The following PGAP6 variants were observed in gnomAD, a reference collection of about 807,000 sequenced individuals.
PGAP6 encodes post-GPI attachment to proteins 6.
PGAP6 carries 62 observed loss-of-function variants against 68.4 expected under a neutral mutation model. That is an observed-to-expected ratio of 0.91 (90% CI 0.74 to 1.12). The LOEUF is 1.12. PGAP6 is among the 50% of genes most tolerant of loss of function. PGAP6 has a pLI of 0.00. For synonymous variants in PGAP6, 575 were observed against 474.0 expected (o/e 1.21, Z -2.77); for missense variants, 1,188 against 1,068.5 (o/e 1.11, Z -1.56).
intron 1 of PGAP6, 40 bp from the exon 2 acceptor site, chr16:377,888 C>T: frequency 2.7e-6 from 4 of 1,509,138 alleles, no homozygotes; most frequent in Non-Finnish European, 3.6e-6. Flanking sequence ...CGGGACCCTC[C>T]TCCAGGGCCG....
upstream of PGAP6, chr16:386,931 C>A (rs545339030): frequency 1.2e-5 from 7 of 588,786 alleles, no homozygotes; most frequent in Non-Finnish European, 2.3e-5. Flanking sequence ...ACGCCGGAGG[C>A]GGCCTGAATA....
intron 11 of PGAP6, among the ~76,000 whole-genome samples, chr16:373,745 C>A (rs1445992119): frequency 6.6e-6 from 1 of 152,196 alleles, no homozygotes; most frequent in African/African-American, 2.4e-5. Context: ...GCTCTTGAAC[C>A]CCTGGCCTCA....
intron 7 of PGAP6, 28 bp downstream of exon 7, chr16:375,317 C>T (rs778803068): frequency 1.4e-5 from 22 of 1,612,694 alleles, no homozygotes; most frequent in South Asian, 3.3e-5. Context: ...GCCGGGGCCA[C>T]GCTGACGGTG....
Position 376,647 on chromosome 16 carries a change from C to G in PGAP6, c.801G>C (p.Leu267=), listed in dbSNP as rs1342760733. The change falls in exon 5 of 13, where the codon CTG becomes CTC. Residue 267 remains leucine (L), a synonymous_variant. Transcript: ENST00000431232. ...GGTCCCAGGGCGGTGAGGGCAGCAG[C>G]AGGCGGCAGGGCCAGGGGGCACCGG... ...TCTGAPWPCR[L]LLPSPPWDRW... 1.2e-6 allele frequency: 2 copies of G among 1,607,112 alleles called. No homozygotes were observed. The highest frequency in any genetic ancestry group is 2.7e-5 in the African/African-American group (2 of 74,842).
At chr16:376,103 CCAGGCCA>C (rs779788883) in intron 6 of PGAP6, 26 bp downstream of exon 6, 2 of 1,568,976 alleles carry the variant, frequency 1.3e-6, no homozygotes, top group Admixed American at 1.8e-5. Flanking sequence ...CTGCCCGAGC[CCAGGCCA>C]CAGGCCGCTT....
rs1372587161 is a variant in PGAP6 at position 372,623 on chromosome 16, C to T, written c.2007G>A (p.Met669Ile). ...LGPCLFAFVI[M>I]ASMWAYRCGH... ...CCCGGCTCCTTACCCACATGGAGGC[C>T]ATGATCACGAAGGCAAAGAGGCAGG... Residue 669 changes from methionine to isoleucine, a missense_variant, in exon 12 of 13, where the codon ATG becomes ATA. Transcript: ENST00000431232. The T allele has an allele frequency of 6.2e-7, 1 of 1,611,754 alleles. No individual in the cohort carries two copies. Among genetic ancestry groups the T allele is most frequent in the East Asian group, 2.2e-5 (1 of 44,880 alleles).
chr16:374,119 C>G lies in PGAP6; in HGVS notation c.1788G>C (p.Ala596=). The change falls in exon 11 of 13, where the codon GCG becomes GCC. Residue 596 remains alanine (A), a synonymous_variant. Coordinates refer to ENST00000431232, the MANE Select transcript of PGAP6 (RefSeq NM_021259.3). ...TGTCGTAGCTGAGGATGCACAGCAC[C>G]GCCTCCCCGGGCTGGTCGCAGGCGT... The part of the protein sequence containing the change: ...FYHACDQPGE[A]VLCILSYDTL... 1 of 1,611,412 alleles carries G rather than the reference C, an allele frequency of 6.2e-7. No individual in the cohort carries two copies. Among genetic ancestry groups the G allele is most frequent in the South Asian group, 1.1e-5 (1 of 91,084 alleles).
At chr16:374,938 C>A in intron 8 of PGAP6, 46 bp from the exon 9 acceptor site, 1 of 1,609,864 alleles carries the variant, frequency 6.2e-7, no homozygotes, top group Non-Finnish European at 8.5e-7. Context: ...GATCTGACAG[C>A]CCAGCTGCCA....
rs1187115866 is a variant in PGAP6, at chr16:374,374, G to C, written c.1602C>G (p.Asp534Glu). 3.8e-6 allele frequency: 6 copies of C among 1,590,806 alleles called. No homozygotes were observed. The highest frequency in any genetic ancestry group is 5.1e-6 in the Non-Finnish European group (6 of 1,173,598). Residue 534 changes from aspartate (D) to glutamate (E), a missense_variant, in exon 10 of 13, where the codon GAC (aspartate) becomes GAG (glutamate). By Grantham distance (45) the Asp-to-Glu change is conservative. Transcript: ENST00000431232. Reference sequence around the variant, plus strand: ...GGGCCACCGTCTGGGCTGTGCTGTTGTCCGTGCAGCTCCACCCACGCCAGC... The same window carrying C: ...GGGCCACCGTCTGGGCTGTGCTGTTCTCCGTGCAGCTCCACCCACGCCAGC... Reference protein sequence around the residue: ...KAGWRGWSCTDNSTAQTVAQQ... With the variant: ...KAGWRGWSCTENSTAQTVAQQ...
At chr16:381,001 C>A (rs1206772336) in intron 1 of PGAP6, among the ~76,000 whole-genome samples, 1 of 152,254 alleles carries the variant, frequency 6.6e-6, no homozygotes, top group African/African-American at 2.4e-5. Flanking sequence ...TCCACACCCA[C>A]GTCCCTACCC....
In PGAP6 at chr16:377,431, C is replaced by T; in HGVS notation, c.454G>A (p.Asp152Asn). 1.2e-6 allele frequency: 2 copies of T among 1,610,066 alleles called. No individual in the cohort carries two copies. Among genetic ancestry groups the T allele is most frequent in the South Asian group, 1.1e-5 (1 of 90,748 alleles). ...GGCAGGTGGGCGGCCACGAACCAGT[C>T]CCCGGGGGCCGGGTGGGAAACGTTG... Reference protein sequence around the residue: ...SVNVSHPAPGDWFVAAHLPPS... With the variant: ...SVNVSHPAPGNWFVAAHLPPS... Residue 152 changes from aspartate (D) to asparagine (N), a missense_variant, in exon 3 of 13, where the codon GAC (aspartate) becomes AAC (asparagine). Physicochemically the swap from Asp to Asn is conservative, Grantham distance 23. Transcript: ENST00000431232.
At position 375,528 on chromosome 16, in the gene PGAP6, C is replaced by T; in HGVS notation, c.1225-93G>A. Reference sequence around the variant, plus strand: ...GTGCCAGCTCAGCCTGGTGCTGGTGCCTTTCTTTTTTTTTTTTTTTCTGAG... The same window carrying T: ...GTGCCAGCTCAGCCTGGTGCTGGTGTCTTTCTTTTTTTTTTTTTTTCTGAG... On this transcript the variant is annotated intron_variant, in intron 6 of 12. Coordinates refer to ENST00000431232, the MANE Select transcript of PGAP6 (RefSeq NM_021259.3). 3 of 1,052,704 alleles carry T rather than the reference C, an allele frequency of 2.8e-6. No homozygotes were observed. The South Asian group carries it at 4.2e-5, about 15-fold the overall frequency. 65.2% of individuals were successfully genotyped at this position (1,052,704 alleles called of 1,614,324 possible). A position where few individuals can be genotyped will look rare whatever the true frequency, so the allele number is the denominator to read the frequency against.
In PGAP6 at chr16:377,155, G is replaced by C. The variant is rs767187320; in HGVS notation, c.517C>G (p.Pro173Ala). The change falls in exon 4 of 13, where the codon CCC becomes GCC. Residue 173 changes from proline to alanine, a missense_variant. By Grantham distance (27) the Pro-to-Ala change is conservative. Coordinates refer to ENST00000431232, the MANE Select transcript of PGAP6 (RefSeq NM_021259.3). ...SQKIELKGLA[P>A]TCAYVFQPEL... ...GGCTGGAAGACGTAGGCACAGGTGGGAGCCAAGCCCTAGGGAAAGAACAGG... is the reference window on the plus strand; with the variant it reads ...GGCTGGAAGACGTAGGCACAGGTGGCAGCCAAGCCCTAGGGAAAGAACAGG... 5 of 1,613,364 alleles carry C rather than the reference G, an allele frequency of 3.1e-6. No individual in the cohort carries two copies. Among genetic ancestry groups the C allele is most frequent in the Admixed American group, 3.3e-5 (2 of 60,016 alleles).
upstream of PGAP6, among the ~76,000 whole-genome samples, chr16:385,172 A>G (rs2141771421): frequency 6.6e-6 from 1 of 152,070 alleles, no homozygotes; most frequent in African/African-American, 2.4e-5. Flanking sequence ...ATCTCAAAAA[A>G]AAAAAAAATG....
chr16:386,747 T>C, upstream of PGAP6: 1 of 350,286 alleles, frequency 2.9e-6, no homozygotes, highest in Non-Finnish European at 5.3e-6. Flanking sequence ...AAAAAAAAAA[T>C]TGGCCTTTTC....
Position 381,919 on chromosome 16 carries a change from CCGCCTCTGCCCCCGG to C in PGAP6, c.-113_-99del. 4 of 376,522 alleles carry C rather than the reference CCGCCTCTGCCCCCGG, an allele frequency of 1.1e-5. No homozygotes were observed. Among genetic ancestry groups the C allele is most frequent in the Non-Finnish European group, 1.4e-5 (4 of 294,492 alleles). The allele number at this position is 376,522 out of a possible 1,614,324, so 23.3% of individuals were successfully genotyped here. On this transcript the variant is annotated 5_prime_UTR_variant, in exon 1 of 13. Transcript: ENST00000431232. Reference sequence around the variant, plus strand: ...TCTGCCGCCTCCGCCTCTGCCGCCTCCGCCTCTGCCCCCGGCGCCCATGGCCCGGCCGGTCCCCGC... The same window carrying C: ...TCTGCCGCCTCCGCCTCTGCCGCCTCCGCCCATGGCCCGGCCGGTCCCCGC...
At position 374,146 on chromosome 16, in the gene PGAP6, G is replaced by T; in HGVS notation, c.1761C>A (p.Tyr587Ter). Residue 587 changes from tyrosine to a stop codon, truncating the protein, a stop_gained, in exon 11 of 13, where the codon TAC becomes TAA. Coordinates refer to ENST00000431232, the MANE Select transcript of PGAP6 (RefSeq NM_021259.3). LOFTEE classifies it high-confidence loss of function. ...CCTCCCCGGGCTGGTCGCAGGCGTGGTAGAACTGTGGGGAGGCTCCATGAG... is the reference window on the plus strand; with the variant it reads ...CCTCCCCGGGCTGGTCGCAGGCGTGTTAGAACTGTGGGGAGGCTCCATGAG... ...YAYTMFFSTF[Y>*]HACDQPGEAV... 1 of 1,610,902 alleles carries T rather than the reference G, an allele frequency of 6.2e-7. No homozygotes were observed. The highest frequency in any genetic ancestry group is 1.1e-5 in the South Asian group (1 of 91,084).
chr16:375,509 G>T, intron 6 of PGAP6, 74 bp from the exon 7 acceptor site: 1 of 1,286,110 alleles, frequency 7.8e-7, no homozygotes, highest in Non-Finnish European at 1.1e-6. Context: ...CCACGTGCCA[G>T]CTCAGCCTGG....
chr16:372,103 C>T lies in PGAP6; in HGVS notation c.2200G>A (p.Ala734Thr), dbSNP rs763813705. The part of the protein sequence containing the change: ...IWHILLAGSA[A>T]LLLPPPDQPA... ...TGGTCAGGTGGCGGCAGCAGCAAGG[C>T]TGCGCTCCCGGCCAGCAGGATGTGC... The change falls in exon 13 of 13, where the codon GCC becomes ACC. Residue 734 changes from alanine to threonine, a missense_variant. By Grantham distance (58) the Ala-to-Thr change is moderately conservative. Coordinates refer to ENST00000431232, the MANE Select transcript of PGAP6 (RefSeq NM_021259.3). 1 of 1,612,744 alleles carries T rather than the reference C, an allele frequency of 6.2e-7. No homozygotes were observed. The highest frequency in any genetic ancestry group is 2.2e-5 in the East Asian group (1 of 44,866).
Sources: gnomAD v4.1 joint callset for allele counts (sites outside exome capture counted in the v4.1 genomes callset) on GRCh38, gnomAD v4.1.1 for gene constraint, MANE v1.5 for transcripts, NCBI Gene and HGNC (gene_info 2026-07-23, HGNC 2026-07-21) for gene names.